OXR1: variants seen among roughly 807,000 people sequenced by gnomAD.
OXR1 encodes oxidation resistance 1.
OXR1 carries 41 observed loss-of-function variants against 104.6 expected under a neutral mutation model. The observed-to-expected ratio is 0.39, with a 90% CI of 0.31 to 0.51. OXR1 has a LOEUF of 0.51. Among genes scored for constraint, OXR1 ranks in the 20% least tolerant of loss-of-function variants. The pLI is 0.77. For missense variants in OXR1, 955 were observed against 1,031.9 expected (o/e 0.93, Z 1.02); for synonymous variants, 348 against 348.4 (o/e 1.00, Z 0.01).
intron 1 of OXR1, among the ~76,000 whole-genome samples, chr8:106,323,245 AC>A (rs1814304749): frequency 6.6e-6 from 1 of 152,194 alleles, no homozygotes. Flanking sequence ...ATCTACGACC[AC>A]TTGATCTTTA....
intron 2 of OXR1, among the ~76,000 whole-genome samples, chr8:106,372,075 G>C (rs1162071897): frequency 6.6e-6 from 1 of 152,244 alleles, no homozygotes; most frequent in Admixed American, 6.5e-5. Context: ...AGTTCAGCAG[G>C]CTTAGGCAGA....
intron 2 of OXR1, among the ~76,000 whole-genome samples, chr8:106,399,432 T>C (rs1362088961): frequency 3.9e-5 from 6 of 152,170 alleles, no homozygotes; most frequent in African/African-American, 1.4e-4. Context: ...TTGTTTTGGA[T>C]TTTATAGTCT....
At chr8:106,692,046 G>A (rs570276675) in intron 6 of OXR1, among the ~76,000 whole-genome samples, 1 of 150,570 alleles carries the variant, frequency 6.6e-6, no homozygotes, top group South Asian at 2.1e-4. Flanking sequence ...CCTCTAGTTT[G>A]TTTTTAAAAA....
At chr8:106,639,070 A>G (rs1823412062) in intron 3 of OXR1, among the ~76,000 whole-genome samples, 1 of 152,196 alleles carries the variant, frequency 6.6e-6, no homozygotes, top group African/African-American at 2.4e-5. Context: ...AAAGAAGTGG[A>G]AACAAAAAGT....
intron 3 of OXR1, among the ~76,000 whole-genome samples, chr8:106,557,674 C>G (rs1269133147): frequency 6.6e-6 from 1 of 152,008 alleles, no homozygotes; most frequent in Non-Finnish European, 1.5e-5. Context: ...TGGGACTTAG[C>G]ATTTATTCGC....
chr8:106,311,083 CTTA>C (rs1813680682), intron 1 of OXR1, among the ~76,000 whole-genome samples: 1 of 151,942 alleles, frequency 6.6e-6, no homozygotes, highest in Non-Finnish European at 1.5e-5. Flanking sequence ...TTCTAATTTT[CTTA>C]TTATTTATCT....
intron 9 of OXR1, 102 bp from the exon 10 acceptor site, chr8:106,710,520 T>C: frequency 1.5e-6 from 1 of 681,404 alleles, no homozygotes. Flanking sequence ...AGTGAGGTTT[T>C]ATTCTGTAAC....
chr8:106,527,138 A>C (rs1813746810), intron 3 of OXR1, among the ~76,000 whole-genome samples: 1 of 152,352 alleles, frequency 6.6e-6, no homozygotes, highest in Admixed American at 6.5e-5. Flanking sequence ...AAAGGAAATA[A>C]AACTGTTGCT....
chr8:106,424,299 C>G (rs1176097132), intron 2 of OXR1, among the ~76,000 whole-genome samples: 2 of 152,122 alleles, frequency 1.3e-5, no homozygotes, highest in African/African-American at 4.8e-5. Context: ...TCAGAATTAT[C>G]TGTAACTTAG....
chr8:106,628,203 A>G (rs995109401), intron 3 of OXR1, among the ~76,000 whole-genome samples: 1 of 152,170 alleles, frequency 6.6e-6, no homozygotes, highest in Non-Finnish European at 1.5e-5. Flanking sequence ...TTTCCCAAAG[A>G]GCTGACATTA....
intron 7 of OXR1, among the ~76,000 whole-genome samples, chr8:106,694,104 G>T (rs771622070): frequency 6.6e-6 from 1 of 151,684 alleles, no homozygotes; most frequent in Admixed American, 6.6e-5. Context: ...ATTCGATTCT[G>T]TGTGATCAGA....
intron 10 of OXR1, among the ~76,000 whole-genome samples, chr8:106,712,685 A>T (rs1029178467): frequency 1.3e-5 from 2 of 152,034 alleles, no homozygotes; most frequent in Admixed American, 1.3e-4. Context: ...CCACTCCACC[A>T]TATATAGAGT....
chr8:106,706,301 A>G lies in OXR1; in HGVS notation c.861-81A>G. The G allele has an allele frequency of 3.2e-6, 3 of 937,650 alleles. No individual in the cohort carries two copies. In the South Asian group the frequency reaches 5.1e-5, roughly 16 times the overall value. 58.1% of individuals were successfully genotyped at this position (937,650 alleles called of 1,614,324 possible). On this transcript the variant is annotated intron_variant, in intron 8 of 16. Transcript: ENST00000517566. ...TTTGTTAAAAAGTCTTTTTAGTGAT[A>G]CTAATTCTGTGTTCAGTGTGTGAAA...
At chr8:106,537,000 G>A (rs1814588426) in intron 3 of OXR1, among the ~76,000 whole-genome samples, 1 of 152,260 alleles carries the variant, frequency 6.6e-6, no homozygotes, top group Non-Finnish European at 1.5e-5. Flanking sequence ...AATGAATGTT[G>A]ATTTTTCAGT....
chr8:106,442,214 T>C (rs550419496), intron 2 of OXR1, among the ~76,000 whole-genome samples: 2 of 152,288 alleles, frequency 1.3e-5, no homozygotes, highest in South Asian at 2.1e-4. Context: ...ATGGATTACG[T>C]TTATTGATTT....
chr8:106,521,222 A>G (rs1307220687), intron 3 of OXR1, among the ~76,000 whole-genome samples: 1 of 152,228 alleles, frequency 6.6e-6, no homozygotes, highest in Non-Finnish European at 1.5e-5. Context: ...TATGTCTCTT[A>G]GTAAAAGTAT....
intron 2 of OXR1, among the ~76,000 whole-genome samples, chr8:106,413,896 T>A (rs1207723819): frequency 1.3e-5 from 2 of 151,964 alleles, no homozygotes; most frequent in African/African-American, 2.4e-5. Flanking sequence ...GCTAACTTTT[T>A]AAAATATTTT....
chr8:106,511,445 GTCT>G (rs2130040259), intron 2 of OXR1, among the ~76,000 whole-genome samples: 1 of 152,254 alleles, frequency 6.6e-6, no homozygotes, highest in African/African-American at 2.4e-5. Context: ...ACCACAGATG[GTCT>G]TCTTGCTGGA....
chr8:106,446,909 G>C (rs1820033329), intron 2 of OXR1, among the ~76,000 whole-genome samples: 1 of 152,204 alleles, frequency 6.6e-6, no homozygotes, highest in African/African-American at 2.4e-5. Flanking sequence ...CTTGGCAACA[G>C]AGCAAGGCCT....
Sources: gnomAD v4.1 joint callset for allele counts (sites outside exome capture counted in the v4.1 genomes callset) on GRCh38, gnomAD v4.1.1 for gene constraint, MANE v1.5 for transcripts, NCBI Gene and HGNC (gene_info 2026-07-23, HGNC 2026-07-21) for gene names.